Variants in GALNT9 observed in about 807,000 individuals in gnomAD.
GALNT9 encodes the protein GalNAc transferase 9.
A neutral mutation model predicts 63.1 loss-of-function variants in GALNT9; 47 were observed. The observed-to-expected ratio is 0.75, with a 90% CI of 0.59 to 0.95. The LOEUF (loss-of-function observed/expected upper bound fraction) is 0.95. GALNT9 is among the 40% of genes least tolerant of loss of function. The pLI is 0.00. For synonymous variants in GALNT9, 396 were observed against 365.7 expected, an observed-to-expected ratio of 1.08 and a Z score of -0.94; for missense variants, 829 against 874.8, an observed-to-expected ratio of 0.95 and a Z score of 0.66.
At chr12:132,199,099 G>A in intron 9 of GALNT9, 75 bp downstream of exon 9, 1 of 979,318 alleles carries the variant, frequency 1.0e-6, no homozygotes, top group Non-Finnish European at 1.6e-6. Flanking sequence ...CCGTGCCTCT[G>A]CCCCAGGGTG....
intron 1 of GALNT9, among the ~76,000 whole-genome samples, chr12:132,305,094 C>G (rs181449548): frequency 2.5e-5 from 2 of 78,962 alleles, no homozygotes; most frequent in African/African-American, 6.8e-5. Context: ...CACCCTCACC[C>G]GGGCACAGCC....
At chr12:132,298,004 A>C (rs1881137195) in intron 1 of GALNT9, among the ~76,000 whole-genome samples, 1 of 151,990 alleles carries the variant, frequency 6.6e-6, no homozygotes, top group South Asian at 2.1e-4. Context: ...CTCCTGAGAA[A>C]ATCAACTCCC....
At chr12:132,302,229 TACACACACACACACACACACAC>T in intron 1 of GALNT9, among the ~76,000 whole-genome samples, 1 of 143,820 alleles carries the variant, frequency 7.0e-6, no homozygotes, top group South Asian at 2.3e-4. Flanking sequence ...TAGAAAATTC[TACACACACACACACACACACAC>T]ACACACACAC....
At chr12:132,301,334 G>A (rs1284739885) in intron 1 of GALNT9, among the ~76,000 whole-genome samples, 1 of 152,238 alleles carries the variant, frequency 6.6e-6, no homozygotes, top group Non-Finnish European at 1.5e-5. Flanking sequence ...TGCCTGCCTG[G>A]CCTTGGGGAC....
At chr12:132,289,537 C>T (rs1263441733) in intron 1 of GALNT9, among the ~76,000 whole-genome samples, 4 of 152,214 alleles carry the variant, frequency 2.6e-5, no homozygotes, top group Admixed American at 6.5e-5. Context: ...CCCTGCTTTG[C>T]CTGAATCTGC....
chr12:132,288,935 G>A (rs1452072089), intron 1 of GALNT9, among the ~76,000 whole-genome samples: 1 of 152,330 alleles, frequency 6.6e-6, no homozygotes, highest in African/African-American at 2.4e-5. Context: ...GAGGGTGGCT[G>A]AGCATGGTTC....
rs533118012 is a variant in GALNT9, at chr12:132,282,839, G to A, written c.419+3411C>T. 3 of 152,410 alleles carry A rather than the reference G, an allele frequency of 2.0e-5. No individual in the cohort carries two copies. Among genetic ancestry groups the A allele is most frequent in the Non-Finnish European group, 4.4e-5 (3 of 68,246 alleles). The allele number at this position is 152,410 out of a possible 1,614,324, so 9.4% of individuals were successfully genotyped here. On this transcript the variant is annotated intron_variant, in intron 2 of 10. Coordinates refer to ENST00000328957, the MANE Select transcript of GALNT9 (RefSeq NM_001122636.2). The surrounding 1 kb of genome is among the most constrained non-coding windows in gnomAD (Gnocchi z 4.5). ...GAAATGGATCAGAGCGGGGGGTGTG[G>A]ACTTCCATCTGGAGCCGGGACAGGA...
At chr12:132,320,217 A>ATTT (rs1868716359) in intron 1 of GALNT9, among the ~76,000 whole-genome samples, 1 of 98,244 alleles carries the variant, frequency 1.0e-5, no homozygotes, top group Non-Finnish European at 2.1e-5. Context: ...TTTTATTTTT[A>ATTT]TTTGTTGTTG....
intron 6 of GALNT9, chr12:132,206,288 C>T (rs1481552656): frequency 3.3e-5 from 5 of 152,742 alleles, no homozygotes; most frequent in Admixed American, 2.6e-4. Flanking sequence ...GGGCGCCCTT[C>T]CCAGGTCTCT....
chr12:132,257,953 G>A (rs1879204756), intron 4 of GALNT9, 67 bp from the exon 5 acceptor site: 3 of 1,145,318 alleles, frequency 2.6e-6, no homozygotes, highest in Non-Finnish European at 2.5e-6. Flanking sequence ...GGGTCCACTC[G>A]CCCACAGGGA....
intron 5 of GALNT9, among the ~76,000 whole-genome samples, 180 bp from the exon 6 acceptor site, chr12:132,248,207 T>G (rs1220733484): frequency 4.6e-5 from 7 of 152,234 alleles, no homozygotes; most frequent in Admixed American, 3.3e-4. Context: ...CACCAGGACT[T>G]GAGTCCCTTG....
intron 2 of GALNT9, chr12:132,284,444 A>G (rs1367554951): frequency 4.6e-5 from 7 of 152,202 alleles, no homozygotes; most frequent in Admixed American, 2.6e-4. Context: ...GTTCTTATTT[A>G]TGGAGCATGT....
At chr12:132,308,383 G>T (rs1438681489) in intron 1 of GALNT9, among the ~76,000 whole-genome samples, 1 of 152,240 alleles carries the variant, frequency 6.6e-6, no homozygotes, top group Non-Finnish European at 1.5e-5. Context: ...AGCTGGTGCA[G>T]CAAGCAGACC....
At chr12:132,198,734 CTCCGCA>C (rs1384047453) in intron 9 of GALNT9, among the ~76,000 whole-genome samples, 9 of 152,168 alleles carry the variant, frequency 5.9e-5, no homozygotes, top group Non-Finnish European at 1.3e-4. Flanking sequence ...TCAGCTCAAC[CTCCGCA>C]TCCCAGGCTC....
rs115248434 is a variant in GALNT9 at position 132,319,286 on chromosome 12, C to A, written c.238+9680G>T. Among the ~76,000 whole-genome samples, 1 of 152,152 alleles carries A rather than the reference C, an allele frequency of 6.6e-6. No homozygotes were observed. The highest frequency in any genetic ancestry group is 1.5e-5 in the Non-Finnish European group (1 of 68,020). ...CCTCCCCAGTGCAGACAGGGATCAGCCCCTTCTCGGAGGCCCGGCTGGAAC... is the reference window on the plus strand; with the variant it reads ...CCTCCCCAGTGCAGACAGGGATCAGACCCTTCTCGGAGGCCCGGCTGGAAC... On this transcript the variant is annotated intron_variant, in intron 1 of 10. Coordinates refer to ENST00000328957, the MANE Select transcript of GALNT9 (RefSeq NM_001122636.2). This position sits in a 1 kb window ranked among gnomAD's most constrained non-coding sequence, Gnocchi z 5.2.
At chr12:132,227,987 G>C (rs1213298962) in intron 6 of GALNT9, among the ~76,000 whole-genome samples, 1 of 152,148 alleles carries the variant, frequency 6.6e-6, no homozygotes, top group African/African-American at 2.4e-5. Flanking sequence ...TTGAGCAGGG[G>C]CTGTGGGCAG....
At position 132,327,482 on chromosome 12, in the gene GALNT9, A is replaced by G. The variant is rs1869088935; in HGVS notation, c.238+1484T>C. Reference sequence around the variant, plus strand: ...TGTTACACAACCTCAGTGTGCTGCCAATGTTTTTATGTAATCCTCTGGCTC... The same window carrying G: ...TGTTACACAACCTCAGTGTGCTGCCGATGTTTTTATGTAATCCTCTGGCTC... On this transcript the variant is annotated intron_variant, in intron 1 of 10. Transcript: ENST00000328957. This position sits in a 1 kb window ranked among gnomAD's most constrained non-coding sequence, Gnocchi z 4.3. 6.6e-6 allele frequency among the ~76,000 whole-genome samples: 1 copy of G among 152,060 alleles called. No homozygotes were observed. Among genetic ancestry groups the G allele is most frequent in the African/African-American group, 2.4e-5 (1 of 41,388 alleles).
At chr12:132,272,433 G>A (rs1175120594) in intron 2 of GALNT9, among the ~76,000 whole-genome samples, 4 of 152,196 alleles carry the variant, frequency 2.6e-5, no homozygotes, top group African/African-American at 9.6e-5. Context: ...ATTAGTTCCC[G>A]GCTTCCCGTG....
chr12:132,269,323 C>T (rs1184278763), intron 2 of GALNT9, among the ~76,000 whole-genome samples: 1 of 152,234 alleles, frequency 6.6e-6, no homozygotes, highest in Non-Finnish European at 1.5e-5. Flanking sequence ...GTCCCATGCC[C>T]CCCGCGGGAG....
Sources: allele counts gnomAD v4.1 joint callset (sites outside exome capture counted in the v4.1 genomes callset), GRCh38; gene constraint gnomAD v4.1.1; non-coding constraint Gnocchi (gnomAD v3.1); transcripts MANE v1.5; gene names NCBI Gene and HGNC (gene_info 2026-07-23, HGNC 2026-07-21).